Variants in CRYBG1 observed in about 807,000 individuals in gnomAD.
CRYBG1 encodes the protein beta/gamma crystallin domain-containing protein 1.
In CRYBG1, 139 loss-of-function variants were observed where a neutral mutation model predicts 189.2. The observed-to-expected ratio is 0.73, with a 90% confidence interval of 0.64 to 0.85. CRYBG1 has a LOEUF of 0.85. CRYBG1 is among the 40% of genes least tolerant of loss of function. The pLI is 0.00. For missense variants in CRYBG1, 2,611 were observed against 2,675.8 expected, an observed-to-expected ratio of 0.98 and a Z score of 0.53; for synonymous variants, 1,023 against 1,017.1, an observed-to-expected ratio of 1.01 and a Z score of -0.11.
intron 2 of CRYBG1, among the ~76,000 whole-genome samples, chr6:106,459,557 T>A (rs1771960779): frequency 1.3e-5 from 2 of 151,830 alleles, no homozygotes; most frequent in Non-Finnish European, 2.9e-5. Flanking sequence ...TTTTTTTTTT[T>A]TTTTACTAAG....
chr6:106,500,100 G>A (rs150862187), intron 2 of CRYBG1, among the ~76,000 whole-genome samples: 162 of 152,178 alleles, frequency 1.1e-3, no homozygotes, highest in African/African-American at 3.8e-3. Flanking sequence ...TCCATATCTT[G>A]GCTATTGTGA....
Position 106,569,813 on chromosome 6 carries a change from A to G in CRYBG1, c.*1247A>G, listed in dbSNP as rs899231557. 5 of 152,226 alleles carry G rather than the reference A, an allele frequency of 3.3e-5. No homozygotes were observed. Among genetic ancestry groups the G allele is most frequent in the East Asian group, 1.9e-4 (1 of 5,188 alleles). The allele number at this position is 152,226 out of a possible 1,614,324, so 9.4% of individuals were successfully genotyped here. The stretch of plus-strand genomic sequence containing the variant: ...CTTCAGGGTATAGCTGTTGGTGGAC[A>G]GCCTCAGGTCTTGGGGGCACTATAG... On this transcript the variant is annotated 3_prime_UTR_variant, in exon 22 of 22. Transcript: ENST00000633556.
intron 3 of CRYBG1, 35 bp from the exon 4 acceptor site, chr6:106,519,096 G>T (rs1426451533): frequency 1.9e-6 from 3 of 1,566,950 alleles, no homozygotes; most frequent in East Asian, 4.5e-5. Context: ...TTAAAACTAG[G>T]TCAATAACTT....
intron 13 of CRYBG1, among the ~76,000 whole-genome samples, chr6:106,548,106 T>C (rs567651477): frequency 1.2e-4 from 19 of 152,296 alleles, no homozygotes; most frequent in African/African-American, 4.3e-4. Context: ...CTAGTACTTG[T>C]GTACATGCCT....
chr6:106,559,497 G>T (rs1308928292), intron 18 of CRYBG1, among the ~76,000 whole-genome samples: 1 of 152,158 alleles, frequency 6.6e-6, no homozygotes, highest in Non-Finnish European at 1.5e-5. Flanking sequence ...AAAATAATCA[G>T]GCCGGGCTGG....
chr6:106,381,400 A>C (rs1392469388), intron 1 of CRYBG1, among the ~76,000 whole-genome samples: 1 of 152,102 alleles, frequency 6.6e-6, no homozygotes, highest in African/African-American at 2.4e-5. Context: ...ACCTCTTTGG[A>C]GCTCAGTTCT....
At chr6:106,518,040 G>C (rs1773482185) in intron 3 of CRYBG1, among the ~76,000 whole-genome samples, 1 of 152,148 alleles carries the variant, frequency 6.6e-6, no homozygotes, top group Admixed American at 6.5e-5. Flanking sequence ...GCAGCATTAA[G>C]ACAACTTTTC....
chr6:106,535,079 A>G (rs532982181), intron 8 of CRYBG1, among the ~76,000 whole-genome samples: 3 of 152,210 alleles, frequency 2.0e-5, no homozygotes, highest in Non-Finnish European at 4.4e-5. Flanking sequence ...TTTGACATAT[A>G]CAGAATAATA....
chr6:106,376,008 C>T (rs12193809), intron 1 of CRYBG1, among the ~76,000 whole-genome samples: 34,567 of 152,154 alleles, frequency 0.23, 4,661 homozygotes, highest in African/African-American at 0.36. Context: ...TTCTCTCTCT[C>T]TCTGTCAAAA....
intron 21 of CRYBG1, among the ~76,000 whole-genome samples, chr6:106,564,928 G>A (rs1774831807): frequency 6.6e-6 from 1 of 152,016 alleles, no homozygotes; most frequent in Admixed American, 6.6e-5. Flanking sequence ...AAATTTTTAT[G>A]AGTATATTAC....
intron 5 of CRYBG1, 43 bp downstream of exon 5, chr6:106,525,223 T>C (rs1773712014): frequency 6.8e-6 from 11 of 1,613,878 alleles, no homozygotes; most frequent in Non-Finnish European, 9.3e-6. Flanking sequence ...TATTTTGGTC[T>C]GACAGAGTAC....
At chr6:106,413,149 C>T (rs1770960598) in intron 1 of CRYBG1, among the ~76,000 whole-genome samples, 1 of 152,046 alleles carries the variant, frequency 6.6e-6, no homozygotes, top group East Asian at 1.9e-4. Context: ...ACCCCCATAG[C>T]CAGCAATTCC....
chr6:106,558,979 AT>A (rs1326445575), intron 18 of CRYBG1, among the ~76,000 whole-genome samples: 25 of 152,138 alleles, frequency 1.6e-4, no homozygotes, highest in African/African-American at 6.0e-4. Flanking sequence ...AAAAAAAAAA[AT>A]TGATCAGATT....
In CRYBG1 at chr6:106,543,528, CAG is replaced by C. The variant is rs767925159; in HGVS notation, c.4972_4973del (p.Glu1658ArgfsTer27). 2 of 1,614,030 alleles carry C rather than the reference CAG, an allele frequency of 1.2e-6. No homozygotes were observed. The highest frequency in any genetic ancestry group is 1.1e-5 in the South Asian group (1 of 91,084). ...AGTTTTGTCATGGAGGGAGGTGAAA[CAG>C]AAGAGGCGACTGGAGACGATCATTT... On this transcript the variant is annotated frameshift_variant, in exon 11 of 22. Transcript: ENST00000633556. LOFTEE classifies it high-confidence loss of function.
At chr6:106,363,243 CA>C (rs57040798) in intron 1 of CRYBG1, among the ~76,000 whole-genome samples, 2,983 of 110,974 alleles carry the variant, frequency 0.027, 20 homozygotes, top group South Asian at 0.055. Context: ...AACTCCGTCT[CA>C]AAAAAAAAAA....
At chr6:106,399,376 A>G (rs1770674566) in intron 1 of CRYBG1, among the ~76,000 whole-genome samples, 1 of 152,226 alleles carries the variant, frequency 6.6e-6, no homozygotes, top group Non-Finnish European at 1.5e-5. Flanking sequence ...TTTCTACAGC[A>G]AAAAGATAAC....
chr6:106,439,777 G>A (rs866908626), intron 1 of CRYBG1, among the ~76,000 whole-genome samples: 1 of 152,078 alleles, frequency 6.6e-6, no homozygotes. Context: ...CTGAGTACAG[G>A]TTATAGAGAC....
At chr6:106,378,932 C>T (rs1162228088) in intron 1 of CRYBG1, among the ~76,000 whole-genome samples, 1 of 152,038 alleles carries the variant, frequency 6.6e-6, no homozygotes, top group Non-Finnish European at 1.5e-5. Flanking sequence ...GGTGGATCAC[C>T]TGAGGTGATC....
At chr6:106,553,032 T>C (rs1248229133) in intron 15 of CRYBG1, among the ~76,000 whole-genome samples, 4 of 152,214 alleles carry the variant, frequency 2.6e-5, no homozygotes, top group South Asian at 2.1e-4. Flanking sequence ...GCCTCCTTTA[T>C]TGGCATTCAC....
Sources: gnomAD v4.1 joint callset for allele counts (sites outside exome capture counted in the v4.1 genomes callset) on GRCh38, gnomAD v4.1.1 for gene constraint, MANE v1.5 for transcripts, NCBI Gene and HGNC (gene_info 2026-07-23, HGNC 2026-07-21) for gene names.